The following SLCO1A2 variants were observed in gnomAD, a reference collection of about 807,000 sequenced individuals.
SLCO1A2 encodes OATP-1.
SLCO1A2 carries 67 observed loss-of-function variants against 69.0 expected under a neutral mutation model. The observed-to-expected ratio is 0.97, with a 90% confidence interval of 0.80 to 1.19. The LOEUF (loss-of-function observed/expected upper bound fraction) is 1.19, where lower values mean the gene tolerates loss of function less well. SLCO1A2 is among the 50% of genes most tolerant of loss of function. SLCO1A2 has a pLI of 0.00. For missense variants in SLCO1A2, 787 were observed against 793.7 expected, an observed-to-expected ratio of 0.99 and a Z score of 0.10; for synonymous variants, 260 against 265.9, an observed-to-expected ratio of 0.98 and a Z score of 0.22.
At chr12:21,279,778 G>T (rs1944473161) in intron 12 of SLCO1A2, among the ~76,000 whole-genome samples, 1 of 152,104 alleles carries the variant, frequency 6.6e-6, no homozygotes, top group Non-Finnish European at 1.5e-5. Context: ...ACTGGAAATA[G>T]TAAGTAAGCA....
rs200944946 is a variant in SLCO1A2 at position 21,314,683 on chromosome 12, T to C, written c.203-2A>G. The C allele has an allele frequency of 4.4e-6, 7 of 1,590,994 alleles. No individual in the cohort carries two copies. The highest frequency in any genetic ancestry group is 6.0e-6 in the Non-Finnish European group (7 of 1,160,626). The stretch of plus-strand genomic sequence containing the variant: ...CAAATATAATCAACAAAAGATTTCC[T>C]AGGAAAAAATTGAGAATAATCATTT... On this transcript the variant is annotated splice_acceptor_variant, in intron 3 of 14. Transcript: ENST00000683939. LOFTEE classifies it high-confidence loss of function.
chr12:21,300,004 G>A (rs1412158640), intron 8 of SLCO1A2, among the ~76,000 whole-genome samples: 1 of 149,490 alleles, frequency 6.7e-6, no homozygotes, highest in African/African-American at 2.5e-5. Context: ...AGATATATGT[G>A]TGTGTACATA....
At position 21,355,180 on chromosome 12, in the gene SLCO1A2, C is replaced by A. The variant is rs75756847; in HGVS notation, c.-63+19219G>T. Among the ~76,000 whole-genome samples the A allele has an allele frequency of 9.1e-4, 139 of 152,142 alleles. 2 individuals are homozygous for A. In the East Asian group the frequency reaches 0.024, roughly 27 times the overall value. On this transcript the variant is annotated intron_variant, in intron 2 of 15. Coordinates refer to the SLCO1A2 transcript ENST00000307378. ...GTTGGCAATTTTAAGAAGACCAGAG[C>A]CACTAAATCATTTCTAGAGGAGTAT...
intron 2 of SLCO1A2, among the ~76,000 whole-genome samples, chr12:21,330,987 T>C (rs1000135815): frequency 1.3e-5 from 2 of 152,198 alleles, no homozygotes; most frequent in African/African-American, 2.4e-5. Flanking sequence ...TTCTTTCTCA[T>C]ATAAAATTAC....
Position 21,295,650 on chromosome 12 carries a change from A to G in SLCO1A2, c.1218T>C (p.Phe406=), listed in dbSNP as rs956242001. 4 of 1,605,896 alleles carry G rather than the reference A, an allele frequency of 2.5e-6. No homozygotes were observed. In the African/African-American group the frequency reaches 5.4e-5, roughly 21 times the overall value. Residue 406 remains phenylalanine, a synonymous_variant, in exon 10 of 15, where the codon TTT becomes TTC. Coordinates refer to ENST00000683939, the MANE Select transcript of SLCO1A2 (RefSeq NM_001386879.1). ...LLEYLLYFLS[F]LMTCENSSVV... Reference sequence around the variant, plus strand: ...CTGAAGAATTTTCACAAGTCATGAGAAAAGATAAAAAATAGAGAAGATACT... The same window carrying G: ...CTGAAGAATTTTCACAAGTCATGAGGAAAGATAAAAAATAGAGAAGATACT...
chr12:21,274,312 T>C (rs1943403225), intron 14 of SLCO1A2, 157 bp downstream of exon 14: 2 of 528,450 alleles, frequency 3.8e-6, no homozygotes, highest in Admixed American at 3.1e-5. Flanking sequence ...AATTCTAGTA[T>C]GCAAATAAGG....
chr12:21,399,052 G>C (rs1359958837), upstream of SLCO1A2, among the ~76,000 whole-genome samples: 1 of 147,000 alleles, frequency 6.8e-6, no homozygotes, highest in Non-Finnish European at 1.5e-5. Flanking sequence ...AGGAAATAAA[G>C]GGTATTCAAT....
chr12:21,312,760 CACA>C (rs1401707908), intron 4 of SLCO1A2, among the ~76,000 whole-genome samples: 2 of 152,068 alleles, frequency 1.3e-5, no homozygotes, highest in Non-Finnish European at 2.9e-5. Flanking sequence ...TCAGAACACA[CACA>C]ACATTTGTTG....
chr12:21,324,338 A>C (rs557070877), intron 2 of SLCO1A2, among the ~76,000 whole-genome samples: 1 of 152,210 alleles, frequency 6.6e-6, no homozygotes, highest in Non-Finnish European at 1.5e-5. Context: ...AAATTATAGT[A>C]AGACCAGTTT....
At position 21,326,417 on chromosome 12, in the gene SLCO1A2, A is replaced by G. The variant is rs148689159; in HGVS notation, c.61-7494T>C. Among the ~76,000 whole-genome samples the G allele has an allele frequency of 5.1e-3, 782 of 152,302 alleles. 7 individuals carry two copies. The highest frequency in any genetic ancestry group is 0.017 in the African/African-American group (726 of 41,578). On this transcript the variant is annotated intron_variant, in intron 2 of 14. Transcript: ENST00000683939. ...GTTAGAACAGTGTGGAGGGCTCAGA[A>G]GAAAATAGGAAAATGTAGGAAAGTT...
intron 6 of SLCO1A2, among the ~76,000 whole-genome samples, chr12:21,301,485 GC>G (rs535932018): frequency 7.9e-4 from 120 of 152,142 alleles, no homozygotes; most frequent in African/African-American, 2.7e-3. Context: ...ACTTTCCCTG[GC>G]CTCCAAATTC....
Position 21,266,657 on chromosome 12 carries a change from C to A in SLCO1A2, c.*2891G>T, listed in dbSNP as rs1468399512. 2 of 152,000 alleles carry A rather than the reference C, an allele frequency of 1.3e-5. No individual in the cohort carries two copies. The highest frequency in any genetic ancestry group is 1.9e-4 in the East Asian group (1 of 5,174). 9.4% of individuals were successfully genotyped at this position (152,000 alleles called of 1,614,324 possible). On this transcript the variant is annotated 3_prime_UTR_variant, in exon 15 of 15. Coordinates refer to ENST00000683939, the MANE Select transcript of SLCO1A2 (RefSeq NM_001386879.1). ...AAAGTTCCTTATGGAGAGCTCAACC[C>A]CAGCCCTTGAACCTTAAGGGTGTGT...
chr12:21,319,535 C>G (rs888987388), intron 2 of SLCO1A2: 19 of 1,206,710 alleles, frequency 1.6e-5, no homozygotes, highest in Non-Finnish European at 1.8e-5. Context: ...CCAGTTGTGT[C>G]TAAGGCATAT....
chr12:21,415,141 C>G (rs1298683361), intron 1 of SLCO1A2, among the ~76,000 whole-genome samples: 2 of 151,512 alleles, frequency 1.3e-5, no homozygotes, highest in Non-Finnish European at 2.9e-5. Context: ...ATACTTAGAC[C>G]TGCTGTTATT....
chr12:21,294,046 GA>G lies in SLCO1A2; in HGVS notation c.1335del (p.Pro446HisfsTer32). The G allele has an allele frequency of 1.9e-6, 3 of 1,610,952 alleles. No individual in the cohort carries two copies. The highest frequency in any genetic ancestry group is 8.5e-7 in the Non-Finnish European group (1 of 1,178,626). ...CACACAGGATCCCATATTTTAGATG[GA>G]CAGTTGCAATCCACATTGCAATCAG... ...IFADCNVDCN[C>X]PSKIWDPVCG... On this transcript the variant is annotated frameshift_variant, in exon 11 of 15. Transcript: ENST00000683939. LOFTEE classifies it high-confidence loss of function.
chr12:21,328,003 A>G (rs907018959), intron 2 of SLCO1A2, among the ~76,000 whole-genome samples: 1 of 152,098 alleles, frequency 6.6e-6, no homozygotes, highest in Non-Finnish European at 1.5e-5. Context: ...TAATTGAAAC[A>G]TGGGGGTGAG....
At chr12:21,329,271 T>C (rs1268868037) in intron 2 of SLCO1A2, among the ~76,000 whole-genome samples, 1 of 152,174 alleles carries the variant, frequency 6.6e-6, no homozygotes, top group Non-Finnish European at 1.5e-5. Flanking sequence ...TAATAGTTAC[T>C]TGGTTTTGCC....
chr12:21,342,934 A>G (rs1953123235), intron 2 of SLCO1A2, among the ~76,000 whole-genome samples: 1 of 152,034 alleles, frequency 6.6e-6, no homozygotes, highest in African/African-American at 2.4e-5. Flanking sequence ...CTCTAGGGGG[A>G]AAAGTACACT....
chr12:21,295,511 A>G, intron 10 of SLCO1A2, 86 bp downstream of exon 10: 1 of 830,632 alleles, frequency 1.2e-6, no homozygotes, highest in Non-Finnish European at 2.0e-6. Flanking sequence ...CAATAAGAAA[A>G]TGATCTGATC....
Sources: gnomAD v4.1 joint callset for allele counts (sites outside exome capture counted in the v4.1 genomes callset) on GRCh38, gnomAD v4.1.1 for gene constraint, MANE v1.5 for transcripts, NCBI Gene and HGNC (gene_info 2026-07-23, HGNC 2026-07-21) for gene names.